EIF4G3: variants seen among roughly 807,000 people sequenced by gnomAD.
EIF4G3 encodes eukaryotic translation initiation factor 4 gamma 3, also known as eIF-4-gamma 3.
In EIF4G3, 34 loss-of-function variants were observed where a neutral mutation model predicts 186.4. The ratio of observed to expected loss-of-function variants is 0.18; its 90% confidence interval spans 0.14 to 0.24. The LOEUF (loss-of-function observed/expected upper bound fraction) is 0.24, where lower values mean the gene tolerates loss of function less well. Among genes scored for constraint, EIF4G3 ranks in the 10% least tolerant of loss-of-function variants. EIF4G3 has a pLI of 1.00. For synonymous variants in EIF4G3, 673 were observed against 679.5 expected, an observed-to-expected ratio of 0.99 and a Z score of 0.15; for missense variants, 1,536 against 1,948.5, an observed-to-expected ratio of 0.79 and a Z score of 3.99.
chr1:20,980,311 A>G, intron 10 of EIF4G3, 23 bp downstream of exon 10: 4 of 1,492,500 alleles, frequency 2.7e-6, no homozygotes, highest in Non-Finnish European at 3.6e-6. Context: ...ACTAGCAGAA[A>G]TGTCTTGACT....
At chr1:21,088,502 T>TA (rs1397729116) in intron 3 of EIF4G3, among the ~76,000 whole-genome samples, 4 of 152,162 alleles carry the variant, frequency 2.6e-5, no homozygotes, top group African/African-American at 9.6e-5. Context: ...AAGTAAAACT[T>TA]AAAAAATTTA....
At chr1:20,830,541 C>G (rs183014869) in intron 30 of EIF4G3, among the ~76,000 whole-genome samples, 59 of 152,322 alleles carry the variant, frequency 3.9e-4, no homozygotes, top group Non-Finnish European at 4.4e-4. Context: ...TCCAGGATTT[C>G]TAGGTTAACC....
At chr1:20,949,509 C>G (rs1304767950) in intron 13 of EIF4G3, among the ~76,000 whole-genome samples, 1 of 152,192 alleles carries the variant, frequency 6.6e-6, no homozygotes, top group African/African-American at 2.4e-5. Context: ...GTCAGTGGCT[C>G]AATCAAGACC....
At chr1:21,129,256 G>A (rs184686980) in intron 2 of EIF4G3, among the ~76,000 whole-genome samples, 112 of 151,910 alleles carry the variant, frequency 7.4e-4, no homozygotes, top group African/African-American at 2.3e-3. Context: ...CAGAGGTTGC[G>A]GTAAGCCTAG....
intron 4 of EIF4G3, among the ~76,000 whole-genome samples, chr1:21,007,162 T>C (rs987059538): frequency 6.6e-6 from 1 of 151,968 alleles, no homozygotes; most frequent in Non-Finnish European, 1.5e-5. Flanking sequence ...CTTTGGGAGA[T>C]AGAGACAGGC....
At chr1:20,827,561 A>G (rs1370686404) in intron 32 of EIF4G3, 56 bp downstream of exon 32, 5 of 1,130,846 alleles carry the variant, frequency 4.4e-6, no homozygotes, top group Non-Finnish European at 6.5e-6. Context: ...CCCAAGATCA[A>G]GATCACTGCC....
At chr1:20,914,672 A>ATT (rs2093662382) in intron 14 of EIF4G3, among the ~76,000 whole-genome samples, 1 of 152,134 alleles carries the variant, frequency 6.6e-6, no homozygotes, top group South Asian at 2.1e-4. Context: ...GTGGGTTTTC[A>ATT]TTTTCATTCG....
In EIF4G3 at chr1:20,893,540, T is replaced by C; in HGVS notation, c.2230A>G (p.Thr744Ala). 1 of 1,603,230 alleles carries C rather than the reference T, an allele frequency of 6.2e-7. No individual in the cohort carries two copies. Among genetic ancestry groups the C allele is most frequent in the South Asian group, 1.1e-5 (1 of 90,120 alleles). ...ACAGGTACGCCTCTTCCACCAGGTG[T>C]CTGCCTTCCAAAATCAGCAAAGGCT... ...TPAFADFGRQTPGGRGVPLLN... is the reference protein window; with the variant it reads ...TPAFADFGRQAPGGRGVPLLN... Residue 744 changes from threonine to alanine, a missense_variant, in exon 18 of 37, where the codon ACA becomes GCA. Physicochemically the swap from Thr to Ala is moderately conservative, Grantham distance 58 (BLOSUM62 0). This residue lies in a region of EIF4G3 where 139 missense variants were observed against 192.8 expected (regional missense o/e 0.72). Coordinates refer to ENST00000602326, the MANE Select transcript of EIF4G3 (RefSeq NM_001391906.1).
intron 7 of EIF4G3, among the ~76,000 whole-genome samples, chr1:20,989,552 C>A (rs76295903): frequency 2.0e-5 from 2 of 99,788 alleles, no homozygotes; most frequent in Non-Finnish European, 3.8e-5. Context: ...AGCAAAACTC[C>A]AACTCAAAAA....
intron 36 of EIF4G3, among the ~76,000 whole-genome samples, chr1:20,808,890 A>G (rs2058671930): frequency 6.6e-6 from 1 of 152,192 alleles, no homozygotes; most frequent in African/African-American, 2.4e-5. Context: ...TATTATAGTC[A>G]GCTCTCCGAT....
At chr1:21,143,148 T>C (rs747081298) in intron 2 of EIF4G3, among the ~76,000 whole-genome samples, 1 of 151,618 alleles carries the variant, frequency 6.6e-6, no homozygotes, top group Non-Finnish European at 1.5e-5. Flanking sequence ...ACTAGGGAGG[T>C]TGAGGCTGGA....
chr1:21,170,595 C>T (rs2097942184), intron 2 of EIF4G3, among the ~76,000 whole-genome samples: 1 of 152,072 alleles, frequency 6.6e-6, no homozygotes, highest in African/African-American at 2.4e-5. Flanking sequence ...CACTTGAACC[C>T]AGGAGGTGGA....
At position 21,162,822 on chromosome 1, in the gene EIF4G3, A is replaced by G. The variant is rs115295285; in HGVS notation, c.-272+13353T>C. Among the ~76,000 whole-genome samples the G allele has an allele frequency of 5.3e-3, 813 of 152,296 alleles. 9 individuals carry two copies. Among genetic ancestry groups the G allele is most frequent in the African/African-American group, 0.019 (786 of 41,566 alleles). ...ATGGTTACCAGGTGGGGGTATCCAT[A>G]TAATTTACTATCCAAACCAGGACCA... On this transcript the variant is annotated intron_variant, in intron 2 of 36. Coordinates refer to ENST00000602326, the MANE Select transcript of EIF4G3 (RefSeq NM_001391906.1).
intron 34 of EIF4G3, among the ~76,000 whole-genome samples, chr1:20,815,582 C>A (rs1480121916): frequency 6.6e-6 from 1 of 151,866 alleles, no homozygotes; most frequent in Non-Finnish European, 1.5e-5. Flanking sequence ...CCCCTCCGTC[C>A]GGCAGCCACC....
At chr1:20,881,541 C>T (rs1346376292) in intron 19 of EIF4G3, among the ~76,000 whole-genome samples, 3 of 152,130 alleles carry the variant, frequency 2.0e-5, no homozygotes, top group African/African-American at 7.2e-5. Flanking sequence ...AATCCCAGCA[C>T]TTTAAGAGGC....
rs1310803353 is a variant in EIF4G3, at chr1:20,899,955, A to G, written c.1753-12T>C. 4 of 1,599,744 alleles carry G rather than the reference A, an allele frequency of 2.5e-6. No homozygotes were observed. Among genetic ancestry groups the G allele is most frequent in the East Asian group, 2.2e-5 (1 of 44,816 alleles). ...TCTTCAGCTTTAAGCTAAATAATAA[A>G]TGAACAAAGAGGTTACATTTTTTTC... On this transcript the variant is annotated splice_polypyrimidine_tract_variant and intron_variant, in intron 15 of 36. Coordinates refer to ENST00000602326, the MANE Select transcript of EIF4G3 (RefSeq NM_001391906.1).
chr1:21,176,098 G>C (rs2103126233), intron 2 of EIF4G3, 77 bp downstream of exon 2: 1 of 279,906 alleles, frequency 3.6e-6, no homozygotes, highest in Non-Finnish European at 6.6e-6. Flanking sequence ...GCCGGCAGGA[G>C]GGTCCCCTGG....
chr1:21,035,147 A>G (rs6426660), intron 4 of EIF4G3, among the ~76,000 whole-genome samples: 56,354 of 151,688 alleles, frequency 0.37, 11,083 homozygotes, highest in Non-Finnish European at 0.43. Flanking sequence ...GGTAGGACCC[A>G]CTCCCAGGCC....
At chr1:20,961,066 T>C (rs2096558275) in intron 12 of EIF4G3, among the ~76,000 whole-genome samples, 1 of 152,182 alleles carries the variant, frequency 6.6e-6, no homozygotes, top group Non-Finnish European at 1.5e-5. Flanking sequence ...AGGTCTTTGA[T>C]GGTCTGTGTG....
Sources: gnomAD v4.1 joint callset for allele counts (sites outside exome capture counted in the v4.1 genomes callset) on GRCh38, gnomAD v4.1.1 for gene constraint, gnomAD v4.1.1 regional missense constraint, MANE v1.5 for transcripts, NCBI Gene and HGNC (gene_info 2026-07-23, HGNC 2026-07-21) for gene names.